NCKAP5: variants seen among roughly 807,000 people sequenced by gnomAD.
NCKAP5 encodes NCK associated protein 5, also known as nck-associated protein 5.
NCKAP5 carries 92 observed loss-of-function variants against 167.0 expected under a neutral mutation model. That is an observed-to-expected ratio of 0.55 (90% CI 0.47 to 0.66). The LOEUF (loss-of-function observed/expected upper bound fraction) is 0.66, where lower values mean the gene tolerates loss of function less well. Among genes scored for constraint, NCKAP5 ranks in the 30% least tolerant of loss-of-function variants. The pLI is 0.00. For missense variants in NCKAP5, 2,378 were observed against 2,315.0 expected, an observed-to-expected ratio of 1.03 and a Z score of -0.56; for synonymous variants, 891 against 877.4, an observed-to-expected ratio of 1.02 and a Z score of -0.27.
chr2:133,200,352 A>G (rs2085635009), intron 5 of NCKAP5, among the ~76,000 whole-genome samples: 2 of 152,134 alleles, frequency 1.3e-5, no homozygotes, highest in East Asian at 1.9e-4. Flanking sequence ...TAAAAAGAGC[A>G]CCAAAGCAAT....
intron 2 of NCKAP5, among the ~76,000 whole-genome samples, chr2:133,539,159 C>T (rs974308284): frequency 6.6e-6 from 1 of 151,986 alleles, no homozygotes; most frequent in Admixed American, 6.6e-5. Context: ...CTAGGATGGT[C>T]TCGGTCTCCT....
intron 3 of NCKAP5, among the ~76,000 whole-genome samples, chr2:133,358,210 C>T (rs1574790081): frequency 2.0e-5 from 3 of 152,294 alleles, no homozygotes; most frequent in East Asian, 3.9e-4. Flanking sequence ...ATTCCCATTA[C>T]ACCTCTTTAT....
At chr2:133,033,335 A>G (rs1559071084) in intron 6 of NCKAP5, among the ~76,000 whole-genome samples, 1 of 152,244 alleles carries the variant, frequency 6.6e-6, no homozygotes, top group Non-Finnish European at 1.5e-5. Context: ...GATACAGCTT[A>G]GATCACAACA....
intron 6 of NCKAP5, among the ~76,000 whole-genome samples, chr2:133,019,875 G>C (rs1343974047): frequency 6.6e-6 from 1 of 152,214 alleles, no homozygotes; most frequent in Non-Finnish European, 1.5e-5. Flanking sequence ...CCCTTCCTTA[G>C]TGAAATCTGA....
intron 19 of NCKAP5, among the ~76,000 whole-genome samples, chr2:132,699,494 G>A (rs908336733): frequency 4.3e-5 from 6 of 139,066 alleles, no homozygotes; most frequent in Non-Finnish European, 1.5e-5. Context: ...CCCTCCCCAC[G>A]ACAGGCCCTG....
At chr2:133,027,156 A>T (rs952472289) in intron 6 of NCKAP5, among the ~76,000 whole-genome samples, 2 of 152,176 alleles carry the variant, frequency 1.3e-5, no homozygotes, top group Non-Finnish European at 2.9e-5. Flanking sequence ...TGACCTGGTA[A>T]CCATTAATAT....
chr2:133,078,242 T>C (rs944233214), intron 6 of NCKAP5, among the ~76,000 whole-genome samples: 3 of 152,116 alleles, frequency 2.0e-5, no homozygotes, highest in African/African-American at 7.2e-5. Context: ...GACACATAAA[T>C]AAAATGAAGA....
intron 2 of NCKAP5, among the ~76,000 whole-genome samples, chr2:133,519,423 T>G (rs924844526): frequency 3.9e-5 from 6 of 152,172 alleles, no homozygotes; most frequent in Non-Finnish European, 2.9e-5. Flanking sequence ...CAACTGAAAT[T>G]TGTTTGGGAG....
At chr2:132,895,255 C>T (rs1201193986) in intron 8 of NCKAP5, among the ~76,000 whole-genome samples, 7 of 149,226 alleles carry the variant, frequency 4.7e-5, no homozygotes, top group Non-Finnish European at 3.0e-5. Flanking sequence ...AGCGTGAACC[C>T]GGGAGGCGGA....
At chr2:132,903,877 A>G (rs772997449) in intron 8 of NCKAP5, among the ~76,000 whole-genome samples, 4 of 152,216 alleles carry the variant, frequency 2.6e-5, no homozygotes, top group African/African-American at 7.2e-5. Flanking sequence ...AATTACCATT[A>G]ATGTTATAAT....
intron 3 of NCKAP5, among the ~76,000 whole-genome samples, chr2:133,318,761 A>G (rs1434226054): frequency 2.0e-5 from 3 of 152,172 alleles, no homozygotes. Context: ...GCAATGGTGC[A>G]ATGCAATAAC....
chr2:133,125,841 G>A (rs1198951765), intron 6 of NCKAP5, among the ~76,000 whole-genome samples: 2 of 152,070 alleles, frequency 1.3e-5, no homozygotes, highest in South Asian at 4.1e-4. Context: ...AACCTCTGGT[G>A]GCATATCCAA....
chr2:132,774,284 C>T (rs1351540132), intron 15 of NCKAP5, among the ~76,000 whole-genome samples: 2 of 152,116 alleles, frequency 1.3e-5, no homozygotes, highest in Non-Finnish European at 2.9e-5. Context: ...ATAATTCCTC[C>T]AGAGTCAGTG....
At position 133,290,256 on chromosome 2, in the gene NCKAP5, A is replaced by C. The variant is rs78492055; in HGVS notation, c.143+12781T>G. ...TTTGCTTTATCCAAATGGAAAAAAA[A>C]ACACACAATATTTTAGGCCTTGATT... On this transcript the variant is annotated intron_variant, in intron 4 of 19. Transcript: ENST00000409261. Among the ~76,000 whole-genome samples the C allele has an allele frequency of 3.2e-3, 480 of 152,332 alleles. 4 individuals carry two copies. The highest frequency in any genetic ancestry group is 0.011 in the African/African-American group (438 of 41,564).
intron 5 of NCKAP5, among the ~76,000 whole-genome samples, chr2:133,187,730 G>C (rs895629304): frequency 6.6e-6 from 1 of 151,912 alleles, no homozygotes. Context: ...TTTCCAGTGA[G>C]ATGGCCTTCT....
At chr2:133,137,016 T>G (rs1179013641) in intron 5 of NCKAP5, among the ~76,000 whole-genome samples, 2 of 152,230 alleles carry the variant, frequency 1.3e-5, no homozygotes, top group East Asian at 3.8e-4. Context: ...AATGTCTTCA[T>G]GAAAACTAGT....
At chr2:133,334,647 A>G (rs1158419344) in intron 3 of NCKAP5, among the ~76,000 whole-genome samples, 1 of 152,076 alleles carries the variant, frequency 6.6e-6, no homozygotes, top group Non-Finnish European at 1.5e-5. Context: ...CCTTTTATTG[A>G]GTATATGTAG....
At chr2:133,041,855 T>C (rs2079228892) in intron 6 of NCKAP5, among the ~76,000 whole-genome samples, 2 of 152,198 alleles carry the variant, frequency 1.3e-5, no homozygotes, top group Non-Finnish European at 2.9e-5. Context: ...ACAATGTACA[T>C]TTTTTGTAAA....
chr2:133,095,687 C>T (rs182853867), intron 6 of NCKAP5, among the ~76,000 whole-genome samples: 9 of 152,264 alleles, frequency 5.9e-5, no homozygotes, highest in African/African-American at 2.2e-4. Context: ...GTCTAAGTCA[C>T]TGCATTTTGA....
Sources: allele counts gnomAD v4.1 joint callset (sites outside exome capture counted in the v4.1 genomes callset), GRCh38; gene constraint gnomAD v4.1.1; transcripts MANE v1.5; gene names NCBI Gene and HGNC (gene_info 2026-07-23, HGNC 2026-07-21).